The following NGEF variants were observed in gnomAD, a reference collection of about 807,000 sequenced individuals.
NGEF encodes ephexin-1.
NGEF carries 31 observed loss-of-function variants against 80.9 expected under a neutral mutation model. The observed-to-expected ratio is 0.38, with a 90% CI of 0.29 to 0.52. The LOEUF (loss-of-function observed/expected upper bound fraction) is 0.52. NGEF is among the 20% of genes least tolerant of loss of function. NGEF has a pLI of 0.84. For missense variants in NGEF, 709 were observed against 926.2 expected (o/e 0.77, Z 3.04); for synonymous variants, 371 against 370.2 (o/e 1.00, Z -0.03).
intron 1 of NGEF, among the ~76,000 whole-genome samples, chr2:233,001,557 G>T (rs975873424): frequency 6.6e-6 from 1 of 152,184 alleles, no homozygotes; most frequent in Non-Finnish European, 1.5e-5. Flanking sequence ...CAGCGAGAAC[G>T]GAAGGCGAGA....
rs1691417997 is a variant in NGEF, at chr2:232,879,484, G to A, written c.*5C>T. On this transcript the variant is annotated 3_prime_UTR_variant, in exon 15 of 15. Transcript: ENST00000264051. ...CCCTGCTCCCGCTGGCCCCCTGGGT[G>A]GGGGTCATTGCCGATTCCGGCTGCC... The A allele has an allele frequency of 6.2e-7, 1 of 1,604,358 alleles. No individual in the cohort carries two copies. The highest frequency in any genetic ancestry group is 8.5e-7 in the Non-Finnish European group (1 of 1,172,512).
chr2:232,970,589 G>T (rs1251642274), intron 2 of NGEF, among the ~76,000 whole-genome samples: 2 of 152,108 alleles, frequency 1.3e-5, no homozygotes, highest in Non-Finnish European at 2.9e-5. Context: ...ATCGCTTTGG[G>T]AGGCCAAGGT....
intron 3 of NGEF, among the ~76,000 whole-genome samples, chr2:232,962,947 A>G (rs983085888): frequency 6.6e-6 from 1 of 151,968 alleles, no homozygotes; most frequent in Non-Finnish European, 1.5e-5. Context: ...GACTAAGTCA[A>G]GCTAGTTAAC....
At chr2:232,937,170 GT>G (rs1260339451) in intron 3 of NGEF, among the ~76,000 whole-genome samples, 1 of 152,070 alleles carries the variant, frequency 6.6e-6, no homozygotes, top group Non-Finnish European at 1.5e-5. Context: ...GTTTCACCAT[GT>G]TGGCCAGGCT....
intron 1 of NGEF, among the ~76,000 whole-genome samples, chr2:232,981,579 A>G (rs904840589): frequency 5.3e-5 from 8 of 152,070 alleles, no homozygotes; most frequent in African/African-American, 1.9e-4. Flanking sequence ...AATCTGGCTC[A>G]ACCAGTTCTG....
At chr2:232,969,611 C>T (rs1230253076) in intron 3 of NGEF, among the ~76,000 whole-genome samples, 6 of 151,422 alleles carry the variant, frequency 4.0e-5, no homozygotes, top group East Asian at 3.9e-4. Context: ...CGGGTTCAAT[C>T]GATTCTCTTC....
At chr2:232,993,137 TTATATATATATGGGCAAA>T (rs1356481445) in intron 1 of NGEF, among the ~76,000 whole-genome samples, 6 of 32,180 alleles carry the variant, frequency 1.9e-4, no homozygotes, top group South Asian at 2.5e-3. Flanking sequence ...ATATATTTAT[TTATATATATATGGGCAAA>T]TATATATATA....
intron 5 of NGEF, among the ~76,000 whole-genome samples, chr2:232,907,188 G>GAAAAAAAAAAAA (rs10654316): frequency 1.3e-4 from 15 of 113,126 alleles, no homozygotes; most frequent in East Asian, 5.2e-4. Context: ...AGAAAAAAAA[G>GAAAAAAAAAAAA]AAAAAAAAAA....
intron 3 of NGEF, among the ~76,000 whole-genome samples, chr2:232,944,477 G>A (rs577214460): frequency 3.9e-4 from 60 of 152,022 alleles, no homozygotes; most frequent in Non-Finnish European, 6.5e-4. Context: ...GTGCTATGGC[G>A]TTGTAGACAT....
intron 3 of NGEF, among the ~76,000 whole-genome samples, chr2:232,931,598 A>G (rs1474976709): frequency 6.6e-6 from 1 of 152,230 alleles, no homozygotes; most frequent in African/African-American, 2.4e-5. Flanking sequence ...TGATGGACAG[A>G]CCATTTGATA....
In NGEF at chr2:232,927,128, C is replaced by G; in HGVS notation, c.442G>C (p.Asp148His). ...GCCTCGGTGAGCGTGGTGGGGCTGT[C>G]GGCCAGGGCCGGCCACTCCTCGGGC... ...ATPEEWPALADSPTTLTEALR... is the reference protein window; with the variant it reads ...ATPEEWPALAHSPTTLTEALR... The change falls in exon 4 of 15, where the codon GAC (aspartate) becomes CAC (histidine). Residue 148 changes from aspartate to histidine, a missense_variant. Physicochemically the swap from Asp to His is moderately conservative, Grantham distance 81. Coordinates refer to ENST00000264051, the MANE Select transcript of NGEF (RefSeq NM_019850.3). 6.2e-7 allele frequency: 1 copy of G among 1,611,292 alleles called. No homozygotes were observed. The highest frequency in any genetic ancestry group is 8.5e-7 in the Non-Finnish European group (1 of 1,179,094).
intron 3 of NGEF, among the ~76,000 whole-genome samples, chr2:232,957,836 C>T (rs1439672008): frequency 6.6e-6 from 1 of 152,216 alleles, no homozygotes; most frequent in Non-Finnish European, 1.5e-5. Flanking sequence ...CCAGTCATCT[C>T]TCCATGGAGA....
intron 1 of NGEF, among the ~76,000 whole-genome samples, chr2:232,996,367 G>A (rs964329605): frequency 6.6e-6 from 1 of 152,062 alleles, no homozygotes; most frequent in East Asian, 1.9e-4. Flanking sequence ...AACAACAACA[G>A]CAACCGACCA....
intron 3 of NGEF, among the ~76,000 whole-genome samples, chr2:232,947,466 C>T (rs1239198171): frequency 6.6e-6 from 1 of 152,146 alleles, no homozygotes; most frequent in Non-Finnish European, 1.5e-5. Context: ...GGGACGTGAT[C>T]AGATTATGGG....
chr2:232,991,888 C>A (rs1184875903), intron 1 of NGEF, among the ~76,000 whole-genome samples: 1 of 152,136 alleles, frequency 6.6e-6, no homozygotes. Flanking sequence ...GCATTTAGGT[C>A]AAGAGAATAG....
chr2:232,914,406 T>G (rs1692750027), intron 5 of NGEF, among the ~76,000 whole-genome samples: 1 of 152,188 alleles, frequency 6.6e-6, no homozygotes, highest in South Asian at 2.1e-4. Flanking sequence ...GGAGACATGA[T>G]GTAGAACATT....
intron 3 of NGEF, among the ~76,000 whole-genome samples, chr2:232,943,235 G>A (rs1219678694): frequency 1.3e-5 from 2 of 150,024 alleles, no homozygotes; most frequent in East Asian, 3.9e-4. Flanking sequence ...ATTAGCATTT[G>A]TTCTTAAAAA....
intron 1 of NGEF, among the ~76,000 whole-genome samples, chr2:232,990,881 C>G (rs1694637244): frequency 6.6e-6 from 1 of 152,018 alleles, no homozygotes; most frequent in East Asian, 1.9e-4. Flanking sequence ...GAATTATATA[C>G]TATGACCAAG....
intron 1 of NGEF, among the ~76,000 whole-genome samples, chr2:232,977,818 A>G (rs1008878712): frequency 1.3e-5 from 2 of 152,188 alleles, no homozygotes; most frequent in African/African-American, 4.8e-5. Flanking sequence ...GGGATGGCAC[A>G]CAGGTGAGTA....
Sources: allele counts gnomAD v4.1 joint callset (sites outside exome capture counted in the v4.1 genomes callset), GRCh38; gene constraint gnomAD v4.1.1; transcripts MANE v1.5; gene names NCBI Gene and HGNC (gene_info 2026-07-23, HGNC 2026-07-21).